The following CBLC variants were observed in gnomAD, a reference collection of about 807,000 sequenced individuals.
CBLC encodes E3 ubiquitin-protein ligase CBL-C.
A neutral mutation model predicts 58.6 loss-of-function variants in CBLC; 46 were observed. The observed-to-expected ratio is 0.79, with a 90% CI of 0.62 to 1.00. CBLC has a LOEUF of 1.00. CBLC is among the 50% of genes least tolerant of loss of function. The pLI is 0.00. For missense variants in CBLC, 655 were observed against 625.8 expected (o/e 1.05, Z -0.50); for synonymous variants, 271 against 264.2 (o/e 1.03, Z -0.25).
intron 6 of CBLC, among the ~76,000 whole-genome samples, chr19:44,791,857 C>T (rs1357037172): frequency 6.6e-6 from 1 of 151,168 alleles, no homozygotes; most frequent in African/African-American, 2.4e-5. Flanking sequence ...TAAATAGAGA[C>T]GGGGTCTTAC....
At chr19:44,784,459 G>C in intron 5 of CBLC, 58 bp downstream of exon 5, 2 of 1,497,398 alleles carry the variant, frequency 1.3e-6, no homozygotes, top group South Asian at 1.3e-5. Flanking sequence ...GAAAGATCTT[G>C]CATGTTGTGC....
chr19:44,794,420 A>G, intron 9 of CBLC, 139 bp downstream of exon 9: 1 of 484,532 alleles, frequency 2.1e-6, no homozygotes, highest in South Asian at 3.9e-5. Flanking sequence ...CCCCTCTGTG[A>G]CCTCTTCCCT....
At position 44,784,298 on chromosome 19, in the gene CBLC, C is replaced by T. The variant is rs1295944061; in HGVS notation, c.814C>T (p.Gln272Ter). Residue 272 changes from glutamine to a stop codon, truncating the protein, a stop_gained, in exon 5 of 11, where the codon CAG becomes TAG. Transcript: ENST00000647358. LOFTEE classifies it high-confidence loss of function. ...CCGGCCCAGCTGTACTCGCCTGGGG[C>T]AGTGGGCCATCGGCTATGTGAGCTC... ...IFRPSCTRLG[Q>*]WAIGYVSSDG... 6.3e-7 allele frequency: 1 copy of T among 1,593,522 alleles called. No individual in the cohort carries two copies. The highest frequency in any genetic ancestry group is 8.6e-7 in the Non-Finnish European group (1 of 1,163,534).
chr19:44,783,469 A>G (rs976471730), intron 4 of CBLC, among the ~76,000 whole-genome samples: 1 of 151,868 alleles, frequency 6.6e-6, no homozygotes, highest in South Asian at 2.1e-4. Flanking sequence ...AGATCACGCC[A>G]TTGCACTCCT....
At chr19:44,792,656 A>T in intron 7 of CBLC, 142 bp downstream of exon 7, 1 of 777,688 alleles carries the variant, frequency 1.3e-6, no homozygotes, top group Non-Finnish European at 1.9e-6. Flanking sequence ...ACCACTCAGG[A>T]GCCCGGCTGT....
chr19:44,782,492 G>C lies in CBLC; in HGVS notation c.779+1G>C, dbSNP rs1394074209. 1 of 1,613,042 alleles carries C rather than the reference G, an allele frequency of 6.2e-7. No individual in the cohort carries two copies. Among genetic ancestry groups the C allele is most frequent in the East Asian group, 2.2e-5 (1 of 44,850 alleles). On this transcript the variant is annotated splice_donor_variant, in intron 4 of 10. Transcript: ENST00000647358. LOFTEE classifies it high-confidence loss of function. The stretch of plus-strand genomic sequence containing the variant: ...AGGCCTGCAGGGACAAGCCAGGCAG[G>C]TAAAGGGTCCAGGGCTCAGCAGAAC...
At chr19:44,785,133 G>A (rs1030354202) in intron 5 of CBLC, among the ~76,000 whole-genome samples, 2 of 150,986 alleles carry the variant, frequency 1.3e-5, no homozygotes, top group Admixed American at 1.3e-4. Context: ...CACCACACCC[G>A]GCTAATTTTT....
chr19:44,790,050 C>T lies in CBLC; in HGVS notation c.964C>T (p.Leu322Phe), dbSNP rs1258130935. The T allele has an allele frequency of 2.5e-6, 4 of 1,613,934 alleles. No individual in the cohort carries two copies. Among genetic ancestry groups the T allele is most frequent in the African/African-American group, 2.7e-5 (2 of 74,884 alleles). ...GACCCACAACCCAGACCTGACTGAG[C>T]TCGGCCAGGCAGAACCCCAGCAGCG... is the stretch of plus-strand genomic sequence containing the variant. ...GKTHNPDLTE[L>F]GQAEPQQRIH... Residue 322 changes from leucine to phenylalanine, a missense_variant, in exon 6 of 11, where the codon CTC becomes TTC. Physicochemically the swap from Leu to Phe is conservative, Grantham distance 22. Around this residue, in one of 3 missense-constraint regions of CBLC, gnomAD observed 371 missense variants for 370.8 expected, o/e 1.00. Coordinates refer to ENST00000647358, the MANE Select transcript of CBLC (RefSeq NM_012116.4).
intron 6 of CBLC, among the ~76,000 whole-genome samples, chr19:44,790,927 T>TA (rs200266745): frequency 0.016 from 2,472 of 152,028 alleles, 53 homozygotes; most frequent in East Asian, 0.082. Flanking sequence ...CTGGCCAACA[T>TA]AGTGAAACCC....
At position 44,784,130 on chromosome 19, in the gene CBLC, C is replaced by T. The variant is rs1234340971; in HGVS notation, c.780-134C>T. 1.8e-5 allele frequency: 13 copies of T among 726,288 alleles called. 1 individual carries two copies. Among genetic ancestry groups the T allele is most frequent in the Middle Eastern group, 5.9e-4 (2 of 3,378 alleles). 45.0% of individuals were successfully genotyped at this position (726,288 alleles called of 1,614,324 possible). ...AGGCAGGCAGGGGTCTAGCACATGC[C>T]GTTGCCTAGAGGATGGGAAGCTGGG... On this transcript the variant is annotated intron_variant, in intron 4 of 10. Coordinates refer to ENST00000647358, the MANE Select transcript of CBLC (RefSeq NM_012116.4).
chr19:44,782,646 G>A (rs1200024881), intron 4 of CBLC, among the ~76,000 whole-genome samples, 155 bp downstream of exon 4: 2 of 152,070 alleles, frequency 1.3e-5, no homozygotes, highest in Admixed American at 6.6e-5. Flanking sequence ...GACACTGAGT[G>A]CCCCTCCCAG....
intron 5 of CBLC, 93 bp downstream of exon 5, chr19:44,784,494 G>C: frequency 7.7e-7 from 1 of 1,292,188 alleles, no homozygotes; most frequent in Non-Finnish European, 1.1e-6. Flanking sequence ...CCACGTTTGA[G>C]GGTGCAACCA....
intron 2 of CBLC, 53 bp downstream of exon 2, chr19:44,781,104 G>C: frequency 6.3e-7 from 1 of 1,585,942 alleles, no homozygotes; most frequent in Non-Finnish European, 8.6e-7. Flanking sequence ...CCTGGCCCAG[G>C]GACCCAGGGG....
Position 44,781,048 on chromosome 19 carries a change from C to A in CBLC, c.497C>A (p.Ala166Asp). ...ACCTTCTGGAGGGAAAGTTGCGGAG[C>A]CCGGTGAGTAAGCCCTTGTCCTCAG... ...AHTFWRESCG[A>D]RCVLPWAEFE... The change falls in exon 2 of 11, where the codon GCC becomes GAC. Residue 166 changes from alanine (A) to aspartate (D), a missense_variant. Ala to Asp is a moderately radical substitution (Grantham distance 126, BLOSUM62 -2). Transcript: ENST00000647358. 6.2e-7 allele frequency: 1 copy of A among 1,611,436 alleles called. No homozygotes were observed. Among genetic ancestry groups the A allele is most frequent in the Non-Finnish European group, 8.5e-7 (1 of 1,179,412 alleles).
At chr19:44,786,030 A>ACT (rs1967896474) in intron 5 of CBLC, among the ~76,000 whole-genome samples, 1 of 151,900 alleles carries the variant, frequency 6.6e-6, no homozygotes, top group Non-Finnish European at 1.5e-5. Flanking sequence ...GAACTCCTGA[A>ACT]CTCAAGCAAT....
At chr19:44,782,596 A>T in intron 4 of CBLC, 105 bp downstream of exon 4, 1 of 892,518 alleles carries the variant, frequency 1.1e-6, no homozygotes, top group Non-Finnish European at 1.7e-6. Context: ...GTGGGAACAG[A>T]GGTACCCAGG....
intron 5 of CBLC, 139 bp downstream of exon 5, chr19:44,784,540 A>G: frequency 1.2e-6 from 1 of 823,706 alleles, no homozygotes. Flanking sequence ...GCAGTACTAC[A>G]AAATTCCAGC....
chr19:44,789,579 C>CG (rs1429358354), intron 5 of CBLC, among the ~76,000 whole-genome samples: 1 of 152,088 alleles, frequency 6.6e-6, no homozygotes, highest in African/African-American at 2.4e-5. Context: ...TCAGTAGAGA[C>CG]GGGGTTCCAC....
rs537967208 is a variant in CBLC at position 44,796,605 on chromosome 19, G to A, written c.1362+2324G>A. On this transcript the variant is annotated intron_variant, in intron 9 of 10. Coordinates refer to ENST00000647358, the MANE Select transcript of CBLC (RefSeq NM_012116.4). ...TCTCCATGTTGGTCAGGCTGGTCTC[G>A]AACTCCCAACCTCAGGTGATCCGCC... Among the ~76,000 whole-genome samples the A allele has an allele frequency of 1.8e-3, 276 of 152,100 alleles. 1 individual carries two copies. The highest frequency in any genetic ancestry group is 2.8e-3 in the Non-Finnish European group (187 of 67,982).
Sources: allele counts gnomAD v4.1 joint callset (sites outside exome capture counted in the v4.1 genomes callset), GRCh38; gene constraint gnomAD v4.1.1; regional missense constraint gnomAD v4.1.1; transcripts MANE v1.5; gene names NCBI Gene and HGNC (gene_info 2026-07-23, HGNC 2026-07-21).